Variants in PVT1 observed in about 807,000 individuals in gnomAD.
The protein encoded by PVT1 is Pvt1 oncogene, also known as CXCR4/PVT1 fusion.
chr8:127,826,612 G>C (rs576023345), intron 2 of PVT1, among the ~76,000 whole-genome samples: 43 of 152,284 alleles, frequency 2.8e-4, no homozygotes, highest in African/African-American at 8.4e-4. Context: ...AACACACACA[G>C]ACTTACATAT....
At chr8:127,974,708 AC>A (rs1239543536) in intron 3 of PVT1, among the ~76,000 whole-genome samples, 1 of 152,150 alleles carries the variant, frequency 6.6e-6, no homozygotes. Context: ...GAGCCACTGC[AC>A]CCAGCCCATC....
intron 5 of PVT1, among the ~76,000 whole-genome samples, chr8:128,073,422 C>G (rs1051124245): frequency 2.6e-5 from 4 of 152,194 alleles, no homozygotes; most frequent in African/African-American, 7.2e-5. Context: ...TATAGAATCA[C>G]ACACCTGGGA....
chr8:127,994,589 A>G (rs1226854824), intron 4 of PVT1, among the ~76,000 whole-genome samples: 1 of 152,226 alleles, frequency 6.6e-6, no homozygotes, highest in Non-Finnish European at 1.5e-5. Context: ...CTATATCAAT[A>G]TCTACCTTGA....
chr8:127,994,249 G>C (rs562610570), intron 4 of PVT1, among the ~76,000 whole-genome samples: 1 of 152,276 alleles, frequency 6.6e-6, no homozygotes, highest in Admixed American at 6.5e-5. Flanking sequence ...TGTGGGACGG[G>C]TTCTGCTGAT....
intron 5 of PVT1, among the ~76,000 whole-genome samples, chr8:128,092,484 T>C (rs1814370013): frequency 6.6e-6 from 1 of 152,196 alleles, no homozygotes; most frequent in South Asian, 2.1e-4. Context: ...CATTGGCCCC[T>C]GGACAGCTGT....
At chr8:128,079,756 A>T (rs1814149794) in intron 5 of PVT1, among the ~76,000 whole-genome samples, 1 of 151,608 alleles carries the variant, frequency 6.6e-6, no homozygotes, top group Non-Finnish European at 1.5e-5. Flanking sequence ...ATGGAGTCTC[A>T]CTCTGTCGCC....
intron 2 of PVT1, among the ~76,000 whole-genome samples, chr8:127,853,272 A>C (rs1815124968): frequency 6.6e-6 from 1 of 152,154 alleles, no homozygotes; most frequent in Non-Finnish European, 1.5e-5. Flanking sequence ...GTGGAACGTG[A>C]GCAGCATAGG....
chr8:128,092,758 C>G (rs974161479), intron 5 of PVT1, among the ~76,000 whole-genome samples: 1 of 152,166 alleles, frequency 6.6e-6, no homozygotes, highest in African/African-American at 2.4e-5. Flanking sequence ...CATTCCCAAT[C>G]CCCTCCTCTT....
At chr8:128,020,548 C>T (rs1297182053) in intron 4 of PVT1, among the ~76,000 whole-genome samples, 3 of 152,136 alleles carry the variant, frequency 2.0e-5, no homozygotes, top group African/African-American at 7.2e-5. Flanking sequence ...TGGGGACCGC[C>T]GGCCTACAGC....
intron 3 of PVT1, among the ~76,000 whole-genome samples, chr8:127,980,030 C>G (rs1279508942): frequency 3.3e-5 from 5 of 152,148 alleles, no homozygotes; most frequent in Admixed American, 6.5e-5. Flanking sequence ...CAGGTCCATA[C>G]CACAGCATCC....
chr8:127,876,678 G>T (rs941854155), intron 2 of PVT1, among the ~76,000 whole-genome samples: 1 of 152,106 alleles, frequency 6.6e-6, no homozygotes, highest in Non-Finnish European at 1.5e-5. Context: ...CTCTAAGCAG[G>T]CGGAGGAGGG....
At chr8:128,000,950 A>T (rs1586475481) in intron 4 of PVT1, among the ~76,000 whole-genome samples, 3 of 152,150 alleles carry the variant, frequency 2.0e-5, no homozygotes, top group Non-Finnish European at 4.4e-5. Context: ...TCCATGTTCA[A>T]TACAGGATTT....
At chr8:127,947,766 A>G (rs1816442448) in intron 3 of PVT1, 2 of 456,536 alleles carry the variant, frequency 4.4e-6, no homozygotes, top group Non-Finnish European at 8.8e-6. Flanking sequence ...GTCCAGGGAC[A>G]AGGTTTCTGA....
At chr8:128,068,402 G>C (rs539353457) in intron 4 of PVT1, among the ~76,000 whole-genome samples, 119 of 152,160 alleles carry the variant, frequency 7.8e-4, no homozygotes, top group African/African-American at 2.6e-3. Context: ...GTGAACTTGG[G>C]GTCCCTGGGA....
chr8:128,001,631 C>T (rs1035508585), intron 4 of PVT1, among the ~76,000 whole-genome samples: 2 of 152,192 alleles, frequency 1.3e-5, no homozygotes, highest in African/African-American at 4.8e-5. Context: ...AGTCCTCCTT[C>T]CATGATTTCC....
intron 2 of PVT1, among the ~76,000 whole-genome samples, chr8:127,883,024 C>T (rs1815486368): frequency 6.7e-6 from 1 of 149,440 alleles, no homozygotes; most frequent in Non-Finnish European, 1.5e-5. Context: ...CACATGCCTG[C>T]ACACACACAC....
chr8:128,078,179 G>A (rs1409196041), intron 5 of PVT1, among the ~76,000 whole-genome samples: 2 of 152,204 alleles, frequency 1.3e-5, no homozygotes, highest in Admixed American at 6.5e-5. Flanking sequence ...GGAGAGTAGA[G>A]TGGCAGTTCT....
chr8:127,853,516 C>G (rs2004668), intron 2 of PVT1, among the ~76,000 whole-genome samples: 1 of 152,192 alleles, frequency 6.6e-6, no homozygotes, highest in Non-Finnish European at 1.5e-5. Context: ...CGTGATGGCT[C>G]GAGCCTGTAA....
At chr8:128,067,750 A>G (rs575933531) in intron 4 of PVT1, among the ~76,000 whole-genome samples, 1 of 152,204 alleles carries the variant, frequency 6.6e-6, no homozygotes, top group East Asian at 1.9e-4. Context: ...ACCAGCGACC[A>G]GGGAGGGGGC....
Sources: gnomAD v4.1 joint callset for allele counts (sites outside exome capture counted in the v4.1 genomes callset) on GRCh38, gnomAD v4.1.1 for gene constraint, MANE v1.5 for transcripts, NCBI Gene and HGNC (gene_info 2026-07-23, HGNC 2026-07-21) for gene names.